Variants in MTSS1 observed in about 807,000 individuals in gnomAD.
MTSS1 encodes the protein MTSS I-BAR domain containing 1.
MTSS1 carries 18 observed loss-of-function variants against 79.0 expected under a neutral mutation model. That is an observed-to-expected ratio of 0.23 (90% CI 0.16 to 0.34). The LOEUF (loss-of-function observed/expected upper bound fraction) is 0.34, where lower values mean the gene tolerates loss of function less well. Ranked by LOEUF, MTSS1 falls within the 10% of genes least tolerant of loss-of-function variation. MTSS1 has a pLI of 1.00. For synonymous variants in MTSS1, 341 were observed against 368.6 expected (o/e 0.93, Z 0.86); for missense variants, 815 against 986.2 (o/e 0.83, Z 2.33).
At chr8:124,695,335 T>TAAAA (rs33998723) in intron 3 of MTSS1, among the ~76,000 whole-genome samples, 1 of 144,728 alleles carries the variant, frequency 6.9e-6, no homozygotes, top group African/African-American at 2.5e-5. Flanking sequence ...TCAAGAGGGA[T>TAAAA]AAAAAAAAAA....
intron 3 of MTSS1, among the ~76,000 whole-genome samples, chr8:124,622,060 AAGAGAGAGAG>A (rs55869660): frequency 3.2e-4 from 35 of 110,120 alleles, no homozygotes; most frequent in Admixed American, 9.0e-4. Context: ...CAGAAAGAGA[AAGAGAGAGAG>A]AGAGAGAGAG....
At chr8:124,555,099 A>G (rs531705760) in intron 13 of MTSS1, among the ~76,000 whole-genome samples, 54 of 152,250 alleles carry the variant, frequency 3.5e-4, no homozygotes, top group African/African-American at 1.3e-3. Flanking sequence ...GCTCACCTCA[A>G]AGTCCCAAAA....
intron 1 of MTSS1, among the ~76,000 whole-genome samples, chr8:124,707,420 CA>C (rs1262164354): frequency 1.0e-4 from 14 of 137,306 alleles, no homozygotes; most frequent in South Asian, 4.7e-4. Flanking sequence ...AACAAACAAA[CA>C]AAAAAAAAAC....
chr8:124,580,580 G>A (rs997624114), intron 6 of MTSS1: 98 of 1,535,578 alleles, frequency 6.4e-5, no homozygotes, highest in Non-Finnish European at 8.0e-5. Context: ...GGGGGCACAC[G>A]GTGAGAAAGT....
intron 3 of MTSS1, among the ~76,000 whole-genome samples, chr8:124,694,126 T>C (rs1564009187): frequency 6.6e-6 from 1 of 152,210 alleles, no homozygotes; most frequent in African/African-American, 2.4e-5. Flanking sequence ...TTTTTTTTAA[T>C]GCATTCAGAA....
intron 3 of MTSS1, among the ~76,000 whole-genome samples, chr8:124,655,517 C>T (rs1388421633): frequency 6.6e-6 from 1 of 152,190 alleles, no homozygotes; most frequent in Non-Finnish European, 1.5e-5. Flanking sequence ...TACGACTCAA[C>T]AAATAGTCAT....
rs1039952044 is a variant in MTSS1 at position 124,727,696 on chromosome 8, C to T, written c.72+188G>A. On this transcript the variant is annotated intron_variant, in intron 1 of 13. Coordinates refer to ENST00000518547, the MANE Select transcript of MTSS1 (RefSeq NM_014751.6). The surrounding 1 kb of genome is among the most constrained non-coding windows in gnomAD (Gnocchi z 4.7). ...ACACCCCCCAGAGAAGCCACCCGCC[C>T]AGTGACCCCGCAGAGCCCGGAGCAG... The T allele has an allele frequency of 3.0e-6, 2 of 674,062 alleles. No individual in the cohort carries two copies. Among genetic ancestry groups the T allele is most frequent in the Admixed American group, 4.1e-5 (2 of 48,254 alleles). The allele number at this position is 674,062 out of a possible 1,614,324, so 41.8% of individuals were successfully genotyped here.
At chr8:124,681,269 G>A (rs1316287709) in intron 3 of MTSS1, among the ~76,000 whole-genome samples, 5 of 150,724 alleles carry the variant, frequency 3.3e-5, no homozygotes, top group African/African-American at 7.3e-5. Flanking sequence ...GCATCCCAGC[G>A]GCAGAGAGAA....
intron 3 of MTSS1, among the ~76,000 whole-genome samples, chr8:124,620,044 C>T (rs970358661): frequency 2.0e-5 from 3 of 152,002 alleles, no homozygotes; most frequent in African/African-American, 4.8e-5. Context: ...CTCCGCCTCC[C>T]GGGTTCAAAG....
Position 124,728,294 on chromosome 8 carries a change from TGACCCGGGGCCA to T in MTSS1, c.-351_-340del, listed in dbSNP as rs1834022847. On this transcript the variant is annotated 5_prime_UTR_variant, in exon 1 of 14. Coordinates refer to ENST00000518547, the MANE Select transcript of MTSS1 (RefSeq NM_014751.6). This position sits in a 1 kb window ranked among gnomAD's most constrained non-coding sequence, Gnocchi z 6.1. ...TCTTGATGCAGAGAAAATCGCCCGCTGACCCGGGGCCAGCGCCATTGAAAAACGCAAGATTTT... is the reference window on the plus strand; with the variant it reads ...TCTTGATGCAGAGAAAATCGCCCGCTGCGCCATTGAAAAACGCAAGATTTT... 4.7e-6 allele frequency: 1 copy of T among 213,048 alleles called. No homozygotes were observed. The highest frequency in any genetic ancestry group is 2.3e-5 in the African/African-American group (1 of 43,660). The allele number at this position is 213,048 out of a possible 1,614,324, so 13.2% of individuals were successfully genotyped here.
At chr8:124,674,632 C>A (rs985789564) in intron 3 of MTSS1, among the ~76,000 whole-genome samples, 11 of 152,190 alleles carry the variant, frequency 7.2e-5, no homozygotes, top group Admixed American at 5.9e-4. Flanking sequence ...GCAGAAGCCA[C>A]CACGCCCGGC....
chr8:124,599,706 A>G (rs1833440369), intron 3 of MTSS1, among the ~76,000 whole-genome samples: 1 of 151,792 alleles, frequency 6.6e-6, no homozygotes, highest in Non-Finnish European at 1.5e-5. Flanking sequence ...CCTCCCCCAA[A>G]TGACCTCCAA....
intron 6 of MTSS1, among the ~76,000 whole-genome samples, chr8:124,584,884 G>A (rs189576626): frequency 1.4e-3 from 208 of 152,304 alleles, no homozygotes; most frequent in Non-Finnish European, 2.2e-3. Context: ...GAAGGAACAC[G>A]TCAAGTACCA....
intron 3 of MTSS1, among the ~76,000 whole-genome samples, chr8:124,660,432 G>GCACACA (rs5894719): frequency 0.048 from 6,753 of 140,686 alleles, 238 homozygotes; most frequent in Admixed American, 0.12. Flanking sequence ...CCATGCGCAT[G>GCACACA]CACACACACA....
At chr8:124,574,382 T>A (rs915641870) in intron 6 of MTSS1, among the ~76,000 whole-genome samples, 1 of 152,196 alleles carries the variant, frequency 6.6e-6, no homozygotes, top group Non-Finnish European at 1.5e-5. Context: ...GGAATGAATA[T>A]CCGTTTTGAT....
At chr8:124,583,368 A>G (rs1260477693) in intron 6 of MTSS1, among the ~76,000 whole-genome samples, 1 of 152,140 alleles carries the variant, frequency 6.6e-6, no homozygotes, top group Non-Finnish European at 1.5e-5. Flanking sequence ...CTTGATAGGG[A>G]GCTCATTATC....
intron 3 of MTSS1, among the ~76,000 whole-genome samples, chr8:124,694,929 G>A (rs959663416): frequency 1.3e-5 from 2 of 151,886 alleles, no homozygotes; most frequent in Admixed American, 6.6e-5. Context: ...ATGGAACTGC[G>A]CCTAGTGCTA....
intron 13 of MTSS1, among the ~76,000 whole-genome samples, chr8:124,554,897 G>A (rs901653405): frequency 2.0e-5 from 3 of 152,226 alleles, no homozygotes; most frequent in Admixed American, 6.5e-5. Flanking sequence ...AGGCTGGAGT[G>A]CAGTGATGCA....
chr8:124,672,643 A>AAATTT (rs1233365334), intron 3 of MTSS1, among the ~76,000 whole-genome samples: 1 of 145,392 alleles, frequency 6.9e-6, no homozygotes, highest in African/African-American at 2.8e-5. Context: ...TCATCTCTAC[A>AAATTT]AAATAATTTA....
Sources: gnomAD v4.1 joint callset for allele counts (sites outside exome capture counted in the v4.1 genomes callset) on GRCh38, gnomAD v4.1.1 for gene constraint, Gnocchi (gnomAD v3.1) non-coding constraint, MANE v1.5 for transcripts, NCBI Gene and HGNC (gene_info 2026-07-23, HGNC 2026-07-21) for gene names.